Variants in ATP8B4 observed in about 807,000 individuals in gnomAD.
ATP8B4 encodes the protein probable phospholipid-transporting ATPase IM.
ATP8B4 carries 133 observed loss-of-function variants against 145.6 expected under a neutral mutation model. The observed-to-expected ratio is 0.91, with a 90% CI of 0.79 to 1.05. The LOEUF (loss-of-function observed/expected upper bound fraction) is 1.05, where lower values mean the gene tolerates loss of function less well. ATP8B4 is among the 50% of genes least tolerant of loss of function. The pLI is 0.00. For missense variants in ATP8B4, 1,458 were observed against 1,425.2 expected (o/e 1.02, Z -0.37); for synonymous variants, 507 against 492.9 (o/e 1.03, Z -0.38).
At chr15:50,043,885 G>A (rs575504136) in intron 5 of ATP8B4, among the ~76,000 whole-genome samples, 4,578 of 151,198 alleles carry the variant, frequency 0.03, 239 homozygotes, top group African/African-American at 0.11. Context: ...CCCGGGAAGC[G>A]GAGCTTGCAG....
chr15:50,137,319 A>C lies in ATP8B4; in HGVS notation c.-42-30311T>G, dbSNP rs144290712. Among the ~76,000 whole-genome samples the C allele has an allele frequency of 1.4e-3, 211 of 152,322 alleles. 1 individual carries two copies. The highest frequency in any genetic ancestry group is 4.8e-3 in the African/African-American group (199 of 41,574). On this transcript the variant is annotated intron_variant, in intron 1 of 3. Coordinates refer to the ATP8B4 transcript ENST00000558829. ...TCTAGAAAAGGAATGTTTTGAGAGA[A>C]GCTGTCTAGATCCTCCATGTTAGCC...
chr15:49,866,233 T>G (rs112199939), intron 26 of ATP8B4, 113 bp downstream of exon 26: 13 of 1,417,042 alleles, frequency 9.2e-6, no homozygotes, highest in African/African-American at 8.7e-5. Context: ...TCAAACAATT[T>G]CTGGACAAAG....
chr15:49,938,805 A>G (rs1354088020), intron 14 of ATP8B4, among the ~76,000 whole-genome samples: 2 of 152,148 alleles, frequency 1.3e-5, no homozygotes, highest in Non-Finnish European at 2.9e-5. Context: ...CAGAATATAC[A>G]TACTTCTCTT....
chr15:50,148,711 C>A (rs1382784509), intron 1 of ATP8B4, among the ~76,000 whole-genome samples: 1 of 152,138 alleles, frequency 6.6e-6, no homozygotes. Flanking sequence ...TCTGTAATAG[C>A]AGCACAAAAC....
chr15:50,152,441 A>G (rs1017352074), intron 1 of ATP8B4, among the ~76,000 whole-genome samples: 1 of 152,198 alleles, frequency 6.6e-6, no homozygotes, highest in Non-Finnish European at 1.5e-5. Context: ...CCATAAATGT[A>G]ATTGAAAGGA....
intron 5 of ATP8B4, among the ~76,000 whole-genome samples, chr15:50,044,021 T>C (rs1412798836): frequency 6.6e-6 from 1 of 151,510 alleles, no homozygotes; most frequent in Non-Finnish European, 1.5e-5. Flanking sequence ...TATGTGTTAA[T>C]CAACTGTTTA....
intron 3 of ATP8B4, among the ~76,000 whole-genome samples, chr15:50,047,954 C>T (rs62021044): frequency 4.6e-5 from 7 of 152,168 alleles, no homozygotes; most frequent in South Asian, 2.1e-4. Context: ...CATTTCAGAA[C>T]GGGAATTGCT....
chr15:50,088,849 G>T (rs1413461487), intron 2 of ATP8B4, among the ~76,000 whole-genome samples: 2 of 152,166 alleles, frequency 1.3e-5, no homozygotes, highest in African/African-American at 4.8e-5. Flanking sequence ...TGGATGGATG[G>T]CTAGATAGAT....
At chr15:50,036,768 G>T (rs2050870386) in intron 6 of ATP8B4, among the ~76,000 whole-genome samples, 1 of 152,166 alleles carries the variant, frequency 6.6e-6, no homozygotes, top group Admixed American at 6.5e-5. Context: ...CCCTAGAGAA[G>T]CTCAAGGTTG....
chr15:49,937,386 A>C (rs1352000445), intron 14 of ATP8B4, among the ~76,000 whole-genome samples: 1 of 152,200 alleles, frequency 6.6e-6, no homozygotes, highest in Non-Finnish European at 1.5e-5. Flanking sequence ...CTATGTTTAT[A>C]CTGAAGACCT....
At chr15:49,985,802 G>A (rs76459462) in intron 10 of ATP8B4, among the ~76,000 whole-genome samples, 3 of 152,222 alleles carry the variant, frequency 2.0e-5, no homozygotes, top group Non-Finnish European at 4.4e-5. Flanking sequence ...AATAGCATTT[G>A]TCAAGCATCC....
intron 1 of ATP8B4, among the ~76,000 whole-genome samples, chr15:50,169,161 C>T (rs994363160): frequency 3.3e-5 from 5 of 152,322 alleles, no homozygotes; most frequent in African/African-American, 7.2e-5. Flanking sequence ...ACCACCAGTC[C>T]GTCTCCACAC....
chr15:50,105,299 T>C (rs2056618218), intron 2 of ATP8B4, among the ~76,000 whole-genome samples: 2 of 145,456 alleles, frequency 1.4e-5, no homozygotes, highest in African/African-American at 5.1e-5. Flanking sequence ...TTTGTACATA[T>C]GAGGGCACGT....
intron 8 of ATP8B4, among the ~76,000 whole-genome samples, chr15:49,997,874 C>T (rs181230849): frequency 6.6e-6 from 1 of 152,184 alleles, no homozygotes; most frequent in Admixed American, 6.6e-5. Context: ...TTAATCAAAA[C>T]CTGCTGATTT....
intron 1 of ATP8B4, among the ~76,000 whole-genome samples, chr15:50,111,578 C>CG (rs2056945513): frequency 6.6e-6 from 1 of 152,168 alleles, no homozygotes; most frequent in East Asian, 1.9e-4. Context: ...CGGAGCTGTT[C>CG]GGGGGGATGG....
At chr15:49,909,071 C>G in intron 20 of ATP8B4, among the ~76,000 whole-genome samples, 1 of 152,140 alleles carries the variant, frequency 6.6e-6, no homozygotes, top group African/African-American at 2.4e-5. Flanking sequence ...AGCACCCATA[C>G]ATACCACTGG....
intron 14 of ATP8B4, among the ~76,000 whole-genome samples, chr15:49,942,490 C>T (rs913167609): frequency 6.6e-6 from 1 of 151,912 alleles, no homozygotes; most frequent in Admixed American, 6.6e-5. Context: ...AATAGGGCTA[C>T]TGCAGAAACT....
chr15:49,997,609 G>C (rs2047534490), intron 8 of ATP8B4, among the ~76,000 whole-genome samples: 1 of 152,096 alleles, frequency 6.6e-6, no homozygotes, highest in East Asian at 1.9e-4. Context: ...ATCCTCTTGG[G>C]GAAAACAAGT....
chr15:50,000,254 T>A (rs1294631224), intron 8 of ATP8B4, among the ~76,000 whole-genome samples: 1 of 152,168 alleles, frequency 6.6e-6, no homozygotes, highest in Non-Finnish European at 1.5e-5. Context: ...GCATGTTCAG[T>A]TTTTAAGAAA....
Sources: gnomAD v4.1 joint callset for allele counts (sites outside exome capture counted in the v4.1 genomes callset) on GRCh38, gnomAD v4.1.1 for gene constraint, MANE v1.5 for transcripts, NCBI Gene and HGNC (gene_info 2026-07-23, HGNC 2026-07-21) for gene names.